BLOC1S5: variants seen among roughly 807,000 people sequenced by gnomAD.
BLOC1S5 encodes biogenesis of lysosome-related organelles complex 1 subunit 5.
In BLOC1S5, 27 loss-of-function variants were observed where a neutral mutation model predicts 24.3. That is an observed-to-expected ratio of 1.11 (90% confidence interval 0.82 to 1.53). BLOC1S5 has a LOEUF of 1.53. Among genes scored for constraint, BLOC1S5 ranks in the 40% most tolerant of loss-of-function variants. The pLI is 0.00. For synonymous variants in BLOC1S5, 84 were observed against 74.5 expected (o/e 1.13, Z -0.66); for missense variants, 239 against 229.4 (o/e 1.04, Z -0.27).
chr6:8,062,806 A>G (rs547070374), intron 1 of BLOC1S5, among the ~76,000 whole-genome samples, 190 bp from the exon 2 acceptor site: 27 of 152,342 alleles, frequency 1.8e-4, no homozygotes, highest in Non-Finnish European at 1.5e-5. Context: ...ACAATCTTTC[A>G]GTATTCAATA....
At chr6:8,030,878 T>G (rs199996644) in intron 3 of BLOC1S5, among the ~76,000 whole-genome samples, 1 of 73,066 alleles carries the variant, frequency 1.4e-5, no homozygotes, top group South Asian at 6.7e-4. Context: ...AAAAAAAAAA[T>G]CACATGATCA....
chr6:8,026,521 T>A lies in BLOC1S5; in HGVS notation c.326-96A>T. On this transcript the variant is annotated intron_variant, in intron 3 of 4. Transcript: ENST00000397457. Reference sequence around the variant, plus strand: ...TGTGTGTGGAGAGTACATGAATTGTTTTAGATCTCAAAAAACTATGCAAAG... The same window carrying A: ...TGTGTGTGGAGAGTACATGAATTGTATTAGATCTCAAAAAACTATGCAAAG... 4 of 973,066 alleles carry A rather than the reference T, an allele frequency of 4.1e-6. No homozygotes were observed. The South Asian group carries it at 5.8e-5, about 14-fold the overall frequency. 60.3% of individuals were successfully genotyped at this position (973,066 alleles called of 1,614,324 possible). A position where few individuals can be genotyped will look rare whatever the true frequency, so the allele number is the denominator to read the frequency against.
chr6:8,051,674 C>T (rs1221473909), intron 2 of BLOC1S5, among the ~76,000 whole-genome samples: 3 of 152,214 alleles, frequency 2.0e-5, no homozygotes, highest in African/African-American at 7.2e-5. Flanking sequence ...GGGGTTAATG[C>T]AGCTGGTGAC....
chr6:8,032,220 C>CA, intron 3 of BLOC1S5, among the ~76,000 whole-genome samples: 1 of 152,172 alleles, frequency 6.6e-6, no homozygotes, highest in Admixed American at 6.5e-5. Context: ...ATGCATCCCA[C>CA]AAAAGACTAA....
chr6:8,032,153 A>C (rs780143145), intron 3 of BLOC1S5, among the ~76,000 whole-genome samples: 1 of 152,340 alleles, frequency 6.6e-6, no homozygotes, highest in South Asian at 2.1e-4. Context: ...TCTGCACAGC[A>C]AAAGAAATAA....
intron 3 of BLOC1S5, among the ~76,000 whole-genome samples, chr6:8,032,405 T>A (rs1763330657): frequency 6.6e-6 from 1 of 151,818 alleles, no homozygotes; most frequent in Non-Finnish European, 1.5e-5. Flanking sequence ...AAACCAGAAT[T>A]CGATAAGACC....
intron 2 of BLOC1S5, among the ~76,000 whole-genome samples, chr6:8,049,272 G>A (rs1319530101): frequency 1.3e-5 from 2 of 152,220 alleles, no homozygotes; most frequent in East Asian, 3.9e-4. Context: ...TCGGGAGGCT[G>A]AGGCAGGAGA....
intron 3 of BLOC1S5, among the ~76,000 whole-genome samples, chr6:8,031,572 C>A (rs1340340831): frequency 6.6e-6 from 1 of 151,926 alleles, no homozygotes; most frequent in East Asian, 1.9e-4. Flanking sequence ...CAATGCAATT[C>A]CCATCAAAAT....
At chr6:8,032,715 T>C (rs1029970837) in intron 3 of BLOC1S5, among the ~76,000 whole-genome samples, 3 of 152,340 alleles carry the variant, frequency 2.0e-5, no homozygotes, top group African/African-American at 7.2e-5. Context: ...CATGATTGTA[T>C]ATTTAGAAAA....
chr6:8,052,411 A>G (rs1764144933), intron 2 of BLOC1S5, among the ~76,000 whole-genome samples: 2 of 152,196 alleles, frequency 1.3e-5, no homozygotes, highest in African/African-American at 2.4e-5. Flanking sequence ...ACCTTCTGGA[A>G]AGGATTCACC....
intron 1 of BLOC1S5, among the ~76,000 whole-genome samples, chr6:8,063,623 A>G (rs1266660121): frequency 6.6e-6 from 1 of 152,164 alleles, no homozygotes; most frequent in East Asian, 1.9e-4. Context: ...TAAGCACTTT[A>G]TATCTGGTAT....
intron 3 of BLOC1S5, among the ~76,000 whole-genome samples, chr6:8,035,070 T>C (rs1763440297): frequency 6.6e-6 from 1 of 152,144 alleles, no homozygotes; most frequent in Non-Finnish European, 1.5e-5. Flanking sequence ...CAGACCATTA[T>C]TCTAAGTAAA....
intron 4 of BLOC1S5, among the ~76,000 whole-genome samples, chr6:8,018,451 T>TG (rs1762813608): frequency 6.6e-6 from 1 of 152,250 alleles, no homozygotes; most frequent in Non-Finnish European, 1.5e-5. Context: ...AAGTCATCAT[T>TG]GGCTCAGCTG....
At chr6:8,054,485 C>T (rs1387617534) in intron 2 of BLOC1S5, 1 of 284,422 alleles carries the variant, frequency 3.5e-6, no homozygotes, top group Admixed American at 5.1e-5. Context: ...TTAGGAAAGG[C>T]TCATTGGAAC....
At chr6:8,028,406 T>C (rs1763180706) in intron 3 of BLOC1S5, among the ~76,000 whole-genome samples, 2 of 152,076 alleles carry the variant, frequency 1.3e-5, no homozygotes, top group Non-Finnish European at 2.9e-5. Flanking sequence ...GCCTTCTTTC[T>C]GTGGCATATT....
intron 2 of BLOC1S5, among the ~76,000 whole-genome samples, chr6:8,041,483 T>G (rs1051648701): frequency 6.6e-6 from 1 of 151,232 alleles, no homozygotes; most frequent in African/African-American, 2.4e-5. Flanking sequence ...CAGCTAATTT[T>G]TTGTGTTTTT....
In BLOC1S5 at chr6:8,041,655, C is replaced by CTTTCTTTTTTT. The variant is rs111955375; in HGVS notation, c.196-388_196-387insAAAAAAAGAAA. On this transcript the variant is annotated intron_variant, in intron 2 of 4. Coordinates refer to ENST00000397457, the MANE Select transcript of BLOC1S5 (RefSeq NM_201280.3). Reference sequence around the variant, plus strand: ...TAGTAATTACTTTCTTTCTTTCTTTCTTTTTTTTTGAGATGCAGTCTCGCC... The same window carrying CTTTCTTTTTTT: ...TAGTAATTACTTTCTTTCTTTCTTTCTTTCTTTTTTTTTTTTTTTTGAGATGCAGTCTCGCC... Among the ~76,000 whole-genome samples, 270 of 111,900 alleles carry CTTTCTTTTTTT rather than the reference C, an allele frequency of 2.4e-3. 9 individuals are homozygous for CTTTCTTTTTTT. Among genetic ancestry groups the CTTTCTTTTTTT allele is most frequent in the South Asian group, 0.014 (44 of 3,174 alleles). 73.4% of individuals were successfully genotyped at this position (111,900 alleles called of 152,430 possible).
chr6:8,056,149 G>A (rs1002864360), intron 2 of BLOC1S5, among the ~76,000 whole-genome samples: 6 of 152,192 alleles, frequency 3.9e-5, no homozygotes, highest in East Asian at 1.9e-4. Flanking sequence ...CCAGCCTCCA[G>A]AACTGTGAGC....
intron 4 of BLOC1S5, among the ~76,000 whole-genome samples, chr6:8,022,806 G>T (rs1762970014): frequency 7.1e-6 from 1 of 140,664 alleles, no homozygotes. Context: ...GGATGGTCTC[G>T]ATCTCCTGAC....
Sources: gnomAD v4.1 joint callset for allele counts (sites outside exome capture counted in the v4.1 genomes callset) on GRCh38, gnomAD v4.1.1 for gene constraint, MANE v1.5 for transcripts, NCBI Gene and HGNC (gene_info 2026-07-23, HGNC 2026-07-21) for gene names.